The following NHEJ1 variants were observed in gnomAD, a reference collection of about 807,000 sequenced individuals.
The protein encoded by NHEJ1 is non-homologous end joining factor 1.
NHEJ1 carries 22 observed loss-of-function variants against 39.4 expected under a neutral mutation model. That is an observed-to-expected ratio of 0.56 (90% CI 0.40 to 0.80). The LOEUF is 0.80. NHEJ1 is among the 30% of genes least tolerant of loss of function. The pLI is 0.00. For missense variants in NHEJ1, 329 were observed against 357.1 expected (o/e 0.92, Z 0.63); for synonymous variants, 154 against 135.6 (o/e 1.14, Z -0.94).
intron 5 of NHEJ1, among the ~76,000 whole-genome samples, chr2:219,092,696 G>A (rs139817954): frequency 8.9e-4 from 135 of 152,330 alleles, no homozygotes; most frequent in Middle Eastern, 3.4e-3. Flanking sequence ...CTGTAAAGAT[G>A]TAAAGGCTCT....
rs1222878156 is a variant in NHEJ1, at chr2:219,074,001, C to A, written c.*2380G>T. 3.9e-5 allele frequency among the ~76,000 whole-genome samples: 6 copies of A among 152,204 alleles called. No homozygotes were observed. Among genetic ancestry groups the A allele is most frequent in the Non-Finnish European group, 2.9e-5 (2 of 68,042 alleles). On this transcript the variant is annotated 3_prime_UTR_variant, in exon 8 of 8. Transcript: ENST00000356853. Reference sequence around the variant, plus strand: ...AAAGCAGGGATTTCCCTGGAGTTGCCTTAGGATGAATGATTCTCAACCACT... The same window carrying A: ...AAAGCAGGGATTTCCCTGGAGTTGCATTAGGATGAATGATTCTCAACCACT...
chr2:219,088,913 T>G (rs149158451), intron 5 of NHEJ1, among the ~76,000 whole-genome samples: 6,674 of 152,134 alleles, frequency 0.044, 517 homozygotes, highest in African/African-American at 0.15. Flanking sequence ...CCCAGGTTCA[T>G]GCCATTCTCC....
chr2:219,113,363 A>G (rs1210039634), intron 5 of NHEJ1, among the ~76,000 whole-genome samples: 2 of 152,190 alleles, frequency 1.3e-5, no homozygotes, highest in Non-Finnish European at 2.9e-5. Flanking sequence ...GGAGGGAGAG[A>G]TGGACAGGAA....
intron 5 of NHEJ1, among the ~76,000 whole-genome samples, chr2:219,142,899 T>G (rs1949704658): frequency 6.6e-6 from 1 of 152,144 alleles, no homozygotes; most frequent in Admixed American, 6.5e-5. Context: ...GCTCCTTGGG[T>G]TCCCCAGAAT....
intron 5 of NHEJ1, among the ~76,000 whole-genome samples, chr2:219,084,563 G>C (rs1949095454): frequency 6.6e-6 from 1 of 152,182 alleles, no homozygotes; most frequent in Non-Finnish European, 1.5e-5. Context: ...TGCATCAGAA[G>C]GTCCTGGGTT....
intron 5 of NHEJ1, among the ~76,000 whole-genome samples, chr2:219,146,360 C>T (rs917013960): frequency 2.6e-5 from 4 of 152,188 alleles, no homozygotes; most frequent in African/African-American, 9.7e-5. Flanking sequence ...ACGACCAGAT[C>T]TCAACAAGCA....
chr2:219,113,441 A>AAT (rs897893686), intron 5 of NHEJ1, among the ~76,000 whole-genome samples: 5 of 152,142 alleles, frequency 3.3e-5, no homozygotes, highest in African/African-American at 4.8e-5. Context: ...ATTCTGATTC[A>AAT]ATATATATAT....
At chr2:219,115,153 A>AAAGAAG (rs138331690) in intron 5 of NHEJ1, among the ~76,000 whole-genome samples, 66,650 of 148,126 alleles carry the variant, frequency 0.45, 16,697 homozygotes, top group Non-Finnish European at 0.57. Flanking sequence ...CGTATTTTAA[A>AAAGAAG]AAGAAGAAGA....
chr2:219,123,675 T>C (rs1202448064), intron 5 of NHEJ1, among the ~76,000 whole-genome samples: 1 of 152,080 alleles, frequency 6.6e-6, no homozygotes, highest in Non-Finnish European at 1.5e-5. Flanking sequence ...ACAGACTACA[T>C]TTAAAACTAG....
intron 5 of NHEJ1, among the ~76,000 whole-genome samples, chr2:219,142,070 A>C (rs187842520): frequency 1.8e-3 from 274 of 152,344 alleles, no homozygotes; most frequent in South Asian, 3.7e-3. Flanking sequence ...ACTAGGCAGA[A>C]TATAACAACC....
chr2:219,131,382 A>G (rs1224733187), intron 5 of NHEJ1, among the ~76,000 whole-genome samples: 1 of 152,270 alleles, frequency 6.6e-6, no homozygotes, highest in Non-Finnish European at 1.5e-5. Context: ...TTTCGAAATT[A>G]AAATGCCAAT....
At chr2:219,130,803 G>A (rs1346241671) in intron 5 of NHEJ1, among the ~76,000 whole-genome samples, 2 of 152,188 alleles carry the variant, frequency 1.3e-5, no homozygotes, top group Non-Finnish European at 2.9e-5. Context: ...TAAATCCAGT[G>A]TGAGGCTGGT....
intron 5 of NHEJ1, among the ~76,000 whole-genome samples, chr2:219,124,379 C>T (rs1041268293): frequency 6.6e-6 from 1 of 152,094 alleles, no homozygotes; most frequent in Admixed American, 6.5e-5. Flanking sequence ...TCCAGCATAT[C>T]TGACCGTTTT....
intron 5 of NHEJ1, among the ~76,000 whole-genome samples, chr2:219,083,050 G>A (rs755791343): frequency 6.6e-6 from 1 of 152,200 alleles, no homozygotes; most frequent in Admixed American, 6.5e-5. Flanking sequence ...TTCAAGAAAT[G>A]TAACTCCCCC....
chr2:219,149,492 T>A (rs1214860297), intron 3 of NHEJ1, among the ~76,000 whole-genome samples: 1 of 152,122 alleles, frequency 6.6e-6, no homozygotes, highest in Non-Finnish European at 1.5e-5. Context: ...GGCACATGCC[T>A]GTAATCCCAG....
Position 219,159,587 on chromosome 2 carries a change from G to A in NHEJ1, c.-1+1133C>T, listed in dbSNP as rs1471937422. Among the ~76,000 whole-genome samples the A allele has an allele frequency of 2.2e-5, 2 of 91,462 alleles. 1 individual carries two copies. Among genetic ancestry groups the A allele is most frequent in the East Asian group, 5.8e-4 (2 of 3,422 alleles). 60.0% of individuals were successfully genotyped at this position (91,462 alleles called of 152,430 possible). A position where few individuals can be genotyped will look rare whatever the true frequency, so the allele number is the denominator to read the frequency against. On this transcript the variant is annotated intron_variant, in intron 1 of 7. Coordinates refer to ENST00000356853, the MANE Select transcript of NHEJ1 (RefSeq NM_024782.3). ...TGCATATATATATGCATATATATAT[G>A]CATATATATATATGCATATATATAC...
intron 5 of NHEJ1, among the ~76,000 whole-genome samples, chr2:219,110,324 T>G (rs899958931): frequency 6.6e-6 from 1 of 152,096 alleles, no homozygotes; most frequent in African/African-American, 2.4e-5. Context: ...AAAACCAGCC[T>G]GTGTAACATG....
intron 5 of NHEJ1, among the ~76,000 whole-genome samples, chr2:219,117,677 A>G (rs769874145): frequency 5.3e-5 from 8 of 152,264 alleles, no homozygotes; most frequent in Non-Finnish European, 1.0e-4. Context: ...GGGAAGTGAC[A>G]TGGTGTAGTG....
intron 5 of NHEJ1, among the ~76,000 whole-genome samples, chr2:219,115,941 G>A (rs1349244578): frequency 6.6e-6 from 1 of 152,158 alleles, no homozygotes; most frequent in African/African-American, 2.4e-5. Flanking sequence ...CCAACATGGT[G>A]AAACTCTGCC....
Sources: allele counts gnomAD v4.1 joint callset (sites outside exome capture counted in the v4.1 genomes callset), GRCh38; gene constraint gnomAD v4.1.1; transcripts MANE v1.5; gene names NCBI Gene and HGNC (gene_info 2026-07-23, HGNC 2026-07-21).